PPHLN1: variants seen among roughly 807,000 people sequenced by gnomAD.
PPHLN1 encodes periphilin 1.
PPHLN1 carries 29 observed loss-of-function variants against 51.3 expected under a neutral mutation model. The ratio of observed to expected loss-of-function variants is 0.57; its 90% CI spans 0.42 to 0.77. The LOEUF (loss-of-function observed/expected upper bound fraction) is 0.77, where lower values mean the gene tolerates loss of function less well. PPHLN1 is among the 30% of genes least tolerant of loss of function. The pLI is 0.00. For synonymous variants in PPHLN1, 147 were observed against 147.8 expected, an observed-to-expected ratio of 0.99 and a Z score of 0.04; for missense variants, 436 against 438.4, an observed-to-expected ratio of 0.99 and a Z score of 0.05.
At chr12:42,385,367 A>C (rs1257808139) in intron 6 of PPHLN1, among the ~76,000 whole-genome samples, 1 of 152,184 alleles carries the variant, frequency 6.6e-6, no homozygotes, top group Non-Finnish European at 1.5e-5. Flanking sequence ...CATTGTTGCA[A>C]CAGGGACATA....
intron 2 of PPHLN1, among the ~76,000 whole-genome samples, chr12:42,336,846 C>G (rs1287658895): frequency 1.3e-5 from 2 of 152,132 alleles, no homozygotes; most frequent in African/African-American, 4.8e-5. Flanking sequence ...TCATTATATA[C>G]CATCAAAAGC....
At chr12:42,351,757 A>T in intron 2 of PPHLN1, 128 bp from the exon 3 acceptor site, 2 of 630,458 alleles carry the variant, frequency 3.2e-6, no homozygotes. Context: ...ATGTTATTTC[A>T]TTAACGCTTT....
intron 4 of PPHLN1, among the ~76,000 whole-genome samples, chr12:42,358,029 C>G (rs896114563): frequency 6.6e-6 from 1 of 152,120 alleles, no homozygotes. Flanking sequence ...GCCTGCAGTT[C>G]CATGCATGTT....
At chr12:42,350,828 G>A (rs2073229463) in intron 2 of PPHLN1, among the ~76,000 whole-genome samples, 1 of 152,092 alleles carries the variant, frequency 6.6e-6, no homozygotes, top group Non-Finnish European at 1.5e-5. Context: ...GTCAGGCATG[G>A]CGGCGCGCGC....
At chr12:42,403,165 T>TACA (rs2078989312) in intron 9 of PPHLN1, among the ~76,000 whole-genome samples, 1 of 152,204 alleles carries the variant, frequency 6.6e-6, no homozygotes, top group Non-Finnish European at 1.5e-5. Flanking sequence ...GAAACATTCT[T>TACA]TGTTTTTCCT....
intron 5 of PPHLN1, among the ~76,000 whole-genome samples, chr12:42,380,755 A>T (rs1486232760): frequency 6.6e-6 from 1 of 152,184 alleles, no homozygotes; most frequent in Non-Finnish European, 1.5e-5. Context: ...GAATATAGAA[A>T]TAAGGTTTTA....
In PPHLN1 at chr12:42,442,044, T is replaced by C. The variant is rs750380231; in HGVS notation, c.*535T>C. 99 of 874,632 alleles carry C rather than the reference T, an allele frequency of 1.1e-4. No individual in the cohort carries two copies. Among genetic ancestry groups the C allele is most frequent in the Non-Finnish European group, 1.2e-4 (90 of 729,246 alleles). 54.2% of individuals were successfully genotyped at this position (874,632 alleles called of 1,614,324 possible). A position where few individuals can be genotyped will look rare whatever the true frequency, so the allele number is the denominator to read the frequency against. On this transcript the variant is annotated 3_prime_UTR_variant, in exon 10 of 10. Coordinates refer to ENST00000358314, the MANE Select transcript of PPHLN1 (RefSeq NM_201439.2). ...GAGATACCTCAGAAAAAAATCCGTT[T>C]TTCCAAGTAATGAACTCAGTGTCTT...
chr12:42,444,676 G>A (rs1280681074), downstream of PPHLN1: 4 of 187,090 alleles, frequency 2.1e-5, no homozygotes, highest in African/African-American at 9.5e-5. Context: ...ATTCCCTTGA[G>A]TAAAAAACAA....
chr12:42,446,766 GT>G, downstream of PPHLN1: 2 of 962,324 alleles, frequency 2.1e-6, no homozygotes, highest in Middle Eastern at 3.5e-4. Flanking sequence ...AGGTCGGGAG[GT>G]TTTCCAAAGC....
intron 8 of PPHLN1, chr12:42,398,624 G>A (rs1197786522): frequency 2.6e-5 from 9 of 340,892 alleles, no homozygotes; most frequent in East Asian, 4.6e-5. Context: ...AGGATGGCAC[G>A]CAAATTCATG....
chr12:42,357,836 A>G (rs2074214078), intron 4 of PPHLN1, among the ~76,000 whole-genome samples: 1 of 152,152 alleles, frequency 6.6e-6, no homozygotes. Flanking sequence ...CACCACTTGA[A>G]TAATGTATAT....
intron 5 of PPHLN1, among the ~76,000 whole-genome samples, chr12:42,380,033 G>A (rs2076625883): frequency 6.6e-6 from 1 of 151,956 alleles, no homozygotes; most frequent in Non-Finnish European, 1.5e-5. Flanking sequence ...AGAATCTCAA[G>A]GAAGACCCTG....
chr12:42,438,191 G>T (rs916118757), intron 9 of PPHLN1, among the ~76,000 whole-genome samples: 1 of 152,206 alleles, frequency 6.6e-6, no homozygotes, highest in African/African-American at 2.4e-5. Flanking sequence ...ATACTTAGCA[G>T]TGGGATTGCT....
intron 8 of PPHLN1, among the ~76,000 whole-genome samples, chr12:42,395,406 T>C (rs2078110083): frequency 6.6e-6 from 1 of 152,142 alleles, no homozygotes; most frequent in South Asian, 2.1e-4. Flanking sequence ...TCTACTTAGA[T>C]TGATACTTTT....
At chr12:42,416,542 T>C (rs746809830) in intron 9 of PPHLN1, among the ~76,000 whole-genome samples, 12 of 152,224 alleles carry the variant, frequency 7.9e-5, no homozygotes, top group Non-Finnish European at 1.3e-4. Context: ...ATCCAGGGTT[T>C]TCCATGACCC....
intron 4 of PPHLN1, among the ~76,000 whole-genome samples, chr12:42,367,011 T>G (rs1245341895): frequency 1.3e-5 from 2 of 152,212 alleles, no homozygotes; most frequent in Non-Finnish European, 2.9e-5. Context: ...AATACCTGGC[T>G]TTTTTAGGCT....
intron 6 of PPHLN1, 121 bp downstream of exon 6, chr12:42,385,117 T>A: frequency 9.2e-7 from 1 of 1,091,726 alleles, no homozygotes; most frequent in South Asian, 1.4e-5. Flanking sequence ...AGAACCACAG[T>A]TAGCAGTAGA....
At chr12:42,427,004 T>C (rs189469181) in intron 9 of PPHLN1, among the ~76,000 whole-genome samples, 27 of 152,320 alleles carry the variant, frequency 1.8e-4, no homozygotes, top group African/African-American at 6.5e-4. Context: ...TGGGTGGATC[T>C]CGCGCCGTGC....
intron 7 of PPHLN1, among the ~76,000 whole-genome samples, chr12:42,389,160 C>A (rs528288680): frequency 6.6e-6 from 1 of 151,718 alleles, no homozygotes; most frequent in Non-Finnish European, 1.5e-5. Flanking sequence ...ATCATGAGGT[C>A]AAGAGATCGA....
Sources: allele counts gnomAD v4.1 joint callset (sites outside exome capture counted in the v4.1 genomes callset), GRCh38; gene constraint gnomAD v4.1.1; transcripts MANE v1.5; gene names NCBI Gene and HGNC (gene_info 2026-07-23, HGNC 2026-07-21).